LARGE1: variants seen among roughly 807,000 people sequenced by gnomAD.
LARGE1 encodes the protein xylosyl- and glucuronyltransferase LARGE1.
A neutral mutation model predicts 87.6 loss-of-function variants in LARGE1; 43 were observed. The observed-to-expected ratio is 0.49, with a 90% CI of 0.38 to 0.63. The LOEUF (loss-of-function observed/expected upper bound fraction) is 0.63, where lower values mean the gene tolerates loss of function less well. LARGE1 is among the 30% of genes least tolerant of loss of function. The pLI is 0.00. For missense variants in LARGE1, 802 were observed against 1,000.2 expected, an observed-to-expected ratio of 0.80 and a Z score of 2.67; for synonymous variants, 434 against 394.6, an observed-to-expected ratio of 1.10 and a Z score of -1.18.
At chr22:33,714,580 C>T (rs2082856665) in intron 2 of LARGE1, among the ~76,000 whole-genome samples, 1 of 152,156 alleles carries the variant, frequency 6.6e-6, no homozygotes. Flanking sequence ...ACCTTGATAA[C>T]AAATCAATTG....
At chr22:33,738,664 G>A (rs1006412923) in intron 2 of LARGE1, among the ~76,000 whole-genome samples, 5 of 152,012 alleles carry the variant, frequency 3.3e-5, no homozygotes, top group African/African-American at 9.7e-5. Flanking sequence ...TGGAGACCAC[G>A]GTGAAACCCC....
chr22:33,823,150 A>C (rs2062686850), intron 1 of LARGE1, among the ~76,000 whole-genome samples: 1 of 152,248 alleles, frequency 6.6e-6, no homozygotes, highest in Non-Finnish European at 1.5e-5. Context: ...GATGTATTAA[A>C]AAAGAATAAC....
intron 4 of LARGE1, among the ~76,000 whole-genome samples, chr22:33,619,168 A>T (rs2079666120): frequency 6.6e-6 from 1 of 152,182 alleles, no homozygotes; most frequent in African/African-American, 2.4e-5. Context: ...ACCCAGACCT[A>T]GCTGAGCTAA....
At chr22:33,734,650 T>C (rs896361524) in intron 2 of LARGE1, among the ~76,000 whole-genome samples, 3 of 152,194 alleles carry the variant, frequency 2.0e-5, no homozygotes, top group African/African-American at 7.2e-5. Flanking sequence ...TTAGCTTTCA[T>C]GTTTCAATGA....
chr22:33,906,116 C>T (rs111384603), intron 1 of LARGE1, among the ~76,000 whole-genome samples: 18 of 151,482 alleles, frequency 1.2e-4, no homozygotes, highest in African/African-American at 4.1e-4. Flanking sequence ...GGCAACGGAG[C>T]GAGACTCTGT....
At chr22:33,343,452 CAT>C (rs1008448458) in intron 9 of LARGE1, among the ~76,000 whole-genome samples, 2 of 151,722 alleles carry the variant, frequency 1.3e-5, no homozygotes, top group Non-Finnish European at 2.9e-5. Context: ...TGTATGTATC[CAT>C]ATATATATAT....
chr22:33,855,237 G>C (rs2063724061), intron 1 of LARGE1, among the ~76,000 whole-genome samples: 1 of 152,192 alleles, frequency 6.6e-6, no homozygotes, highest in African/African-American at 2.4e-5. Context: ...GGGAGGCTGA[G>C]GCAGGAGAAT....
Position 33,456,633 on chromosome 22 carries a change from C to T in LARGE1, c.788-24368G>A, listed in dbSNP as rs371933942. On this transcript the variant is annotated intron_variant, in intron 6 of 14. Transcript: ENST00000397394. ...GAAATGGCAGAACCTGTTGTAAATG[C>T]AACCTTTTAGCTCCTGAGAGATTCT... 4.2e-4 allele frequency among the ~76,000 whole-genome samples: 64 copies of T among 152,314 alleles called. 1 individual carries two copies. The South Asian group carries it at 0.012, about 30-fold the overall frequency.
In LARGE1 at chr22:33,520,085, G is replaced by T. The variant is rs188631031; in HGVS notation, c.787+44763C>A. On this transcript the variant is annotated intron_variant, in intron 6 of 14. Transcript: ENST00000397394. Reference sequence around the variant, plus strand: ...GGTGGTGTGATCAGAGCTCACTGCAGCCTGGATCTCCTGAGCTCAAGCAAT... The same window carrying T: ...GGTGGTGTGATCAGAGCTCACTGCATCCTGGATCTCCTGAGCTCAAGCAAT... 3.1e-3 allele frequency among the ~76,000 whole-genome samples: 460 copies of T among 146,348 alleles called. 4 individuals carry two copies. The highest frequency in any genetic ancestry group is 0.02 in the South Asian group (90 of 4,590).
At chr22:33,454,943 G>A (rs965549261) in intron 6 of LARGE1, among the ~76,000 whole-genome samples, 1 of 152,048 alleles carries the variant, frequency 6.6e-6, no homozygotes, top group African/African-American at 2.4e-5. Context: ...CCAACACTGG[G>A]GATTACAAGT....
chr22:33,642,922 G>A (rs944073582), intron 3 of LARGE1, among the ~76,000 whole-genome samples: 1 of 152,008 alleles, frequency 6.6e-6, no homozygotes, highest in Non-Finnish European at 1.5e-5. Flanking sequence ...TCTACAAAGA[G>A]ACTTAGACTC....
intron 9 of LARGE1, among the ~76,000 whole-genome samples, chr22:33,360,849 C>T (rs929649119): frequency 6.7e-6 from 1 of 150,018 alleles, no homozygotes; most frequent in Admixed American, 6.6e-5. Flanking sequence ...CCACTGGACT[C>T]TTTCTGTACA....
At chr22:33,845,069 T>C (rs551251714) in intron 1 of LARGE1, among the ~76,000 whole-genome samples, 1 of 152,140 alleles carries the variant, frequency 6.6e-6, no homozygotes, top group South Asian at 2.1e-4. Flanking sequence ...CCCAATAAAA[T>C]CTTCCGGGAA....
rs2065254801 is a variant in LARGE1, at chr22:33,384,317, A to G, written c.893-13T>C. 6.4e-7 allele frequency: 1 copy of G among 1,573,344 alleles called. No individual in the cohort carries two copies. The highest frequency in any genetic ancestry group is 8.7e-7 in the Non-Finnish European group (1 of 1,143,240). ...AACAGGATCACCCCTGGGCAACAGCACAGGATAAAAGAGAAAATTAAAAAA... is the reference window on the plus strand; with the variant it reads ...AACAGGATCACCCCTGGGCAACAGCGCAGGATAAAAGAGAAAATTAAAAAA... On this transcript the variant is annotated splice_polypyrimidine_tract_variant and intron_variant, in intron 7 of 14. Coordinates refer to ENST00000397394, the MANE Select transcript of LARGE1 (RefSeq NM_133642.5).
intron 2 of LARGE1, among the ~76,000 whole-genome samples, chr22:33,695,029 C>A (rs2045315): frequency 6.6e-6 from 1 of 152,068 alleles, no homozygotes; most frequent in African/African-American, 2.4e-5. Context: ...TGTATACTCT[C>A]TATTCAATTC....
intron 11 of LARGE1, among the ~76,000 whole-genome samples, chr22:33,204,475 T>C (rs1924583523): frequency 1.3e-5 from 2 of 152,106 alleles, no homozygotes; most frequent in Non-Finnish European, 2.9e-5. Flanking sequence ...AGCTTCCCAA[T>C]CTCAATATCT....
the LARGE1 span, among the ~76,000 whole-genome samples, chr22:33,084,614 C>T: frequency 2.0e-5 from 3 of 151,904 alleles, no homozygotes; most frequent in African/African-American, 7.2e-5. Flanking sequence ...ATGATAGCAA[C>T]ACTGCACTTC....
upstream of LARGE1, among the ~76,000 whole-genome samples, chr22:33,920,832 G>T (rs1281233465): frequency 2.8e-5 from 4 of 144,722 alleles, no homozygotes; most frequent in Admixed American, 6.8e-5. Flanking sequence ...TGCAGCCGCC[G>T]CGGGCAGCCG....
intron 11 of LARGE1, among the ~76,000 whole-genome samples, chr22:33,259,398 GA>G (rs1927504540): frequency 1.3e-5 from 2 of 150,896 alleles, no homozygotes; most frequent in Middle Eastern, 3.4e-3. Context: ...AGACACTTAG[GA>G]AAAAAATTCC....
Sources: gnomAD v4.1 joint callset for allele counts (sites outside exome capture counted in the v4.1 genomes callset) on GRCh38, gnomAD v4.1.1 for gene constraint, MANE v1.5 for transcripts, NCBI Gene and HGNC (gene_info 2026-07-23, HGNC 2026-07-21) for gene names.